CTNNA2: variants seen among roughly 807,000 people sequenced by gnomAD.
CTNNA2 encodes catenin alpha-2.
A neutral mutation model predicts 101.0 loss-of-function variants in CTNNA2; 42 were observed. The observed-to-expected ratio is 0.42, with a 90% CI of 0.32 to 0.54. CTNNA2 has a LOEUF of 0.54. Ranked by LOEUF, CTNNA2 falls within the 20% of genes least tolerant of loss-of-function variation. The probability of loss-of-function intolerance (pLI) is 0.14; values close to 1 mark genes in which losing one functional copy is unlikely to be tolerated. For synonymous variants in CTNNA2, 450 were observed against 456.4 expected, an observed-to-expected ratio of 0.99 and a Z score of 0.18; for missense variants, 871 against 1,223.1, an observed-to-expected ratio of 0.71 and a Z score of 4.29.
At chr2:79,982,361 T>C (rs1346416993) in intron 7 of CTNNA2, among the ~76,000 whole-genome samples, 2 of 134,946 alleles carry the variant, frequency 1.5e-5, no homozygotes, top group African/African-American at 6.4e-5. Context: ...ATATAACCTA[T>C]ATAACATATA....
chr2:79,294,637 A>G lies in CTNNA2; in HGVS notation c.-405-18072A>G, dbSNP rs535886733. Among the ~76,000 whole-genome samples, 4 of 152,292 alleles carry G rather than the reference A, an allele frequency of 2.6e-5. No individual in the cohort carries two copies. The East Asian group carries it at 5.8e-4, about 22-fold the overall frequency. On this transcript the variant is annotated intron_variant, in intron 2 of 21. Transcript: ENST00000466387. ...TTAAAATATAAGTGGTGTCTATTTT[A>G]TAGATTATCAGAAGGAATAAACTCA...
chr2:79,419,207 A>G (rs1202718059), intron 4 of CTNNA2, among the ~76,000 whole-genome samples: 1 of 152,068 alleles, frequency 6.6e-6, no homozygotes, highest in African/African-American at 2.4e-5. Context: ...TATTTTATCC[A>G]TCACAGACTC....
chr2:79,365,044 G>A (rs190562925), intron 3 of CTNNA2, among the ~76,000 whole-genome samples: 6 of 152,194 alleles, frequency 3.9e-5, no homozygotes, highest in South Asian at 2.1e-4. Flanking sequence ...GGGAGGTGAG[G>A]TGGGTGGATC....
At chr2:79,829,421 A>ACACACACACACACACACAC (rs1558559860) in intron 3 of CTNNA2, among the ~76,000 whole-genome samples, 4 of 142,478 alleles carry the variant, frequency 2.8e-5, no homozygotes, top group African/African-American at 1.1e-4. Flanking sequence ...ACACAGACAC[A>ACACACACACACACACACAC]AAGCCGGGCG....
At chr2:79,288,427 C>G (rs1457901687) in intron 2 of CTNNA2, among the ~76,000 whole-genome samples, 1 of 152,218 alleles carries the variant, frequency 6.6e-6, no homozygotes, top group Non-Finnish European at 1.5e-5. Flanking sequence ...GCTTGGTAAT[C>G]TTCGCTTGGA....
intron 1 of CTNNA2, among the ~76,000 whole-genome samples, chr2:79,565,182 C>T (rs867665372): frequency 1.3e-5 from 2 of 150,540 alleles, no homozygotes; most frequent in African/African-American, 4.9e-5. Context: ...GGTTGTCACA[C>T]GATCATGAAA....
At chr2:79,278,980 G>A (rs1257656795) in intron 2 of CTNNA2, among the ~76,000 whole-genome samples, 2 of 152,082 alleles carry the variant, frequency 1.3e-5, no homozygotes, top group African/African-American at 4.8e-5. Flanking sequence ...GTCAACCTGA[G>A]GTGAGACAAT....
chr2:79,255,865 GT>G (rs1674838138), intron 2 of CTNNA2, among the ~76,000 whole-genome samples: 1 of 152,074 alleles, frequency 6.6e-6, no homozygotes, highest in Non-Finnish European at 1.5e-5. Flanking sequence ...TCTACTAAGG[GT>G]TTGGGACCTA....
At chr2:79,884,751 C>CTTTTTTTTTTTTTTT (rs375184305) in intron 6 of CTNNA2, among the ~76,000 whole-genome samples, 1 of 138,406 alleles carries the variant, frequency 7.2e-6, no homozygotes, top group Non-Finnish European at 1.5e-5. Context: ...TTTAAATATG[C>CTTTTTTTTTTTTTTT]TTTTTTTTTT....
intron 7 of CTNNA2, among the ~76,000 whole-genome samples, chr2:79,976,632 T>C (rs182000359): frequency 6.6e-6 from 1 of 152,316 alleles, no homozygotes; most frequent in Admixed American, 6.5e-5. Flanking sequence ...GCATTACGAT[T>C]ACATTTTAAC....
chr2:79,460,949 C>A (rs1256862656), intron 4 of CTNNA2, among the ~76,000 whole-genome samples: 1 of 142,970 alleles, frequency 7.0e-6, no homozygotes, highest in Non-Finnish European at 1.6e-5. Context: ...TCAAGCAATT[C>A]TCCTGTCTCA....
At chr2:79,479,387 A>G (rs1671084391) in intron 4 of CTNNA2, among the ~76,000 whole-genome samples, 2 of 152,190 alleles carry the variant, frequency 1.3e-5, no homozygotes, top group Admixed American at 1.3e-4. Context: ...GTTTTAAAGT[A>G]TATTTTCACC....
At chr2:80,586,940 T>G (rs1443804877) in intron 14 of CTNNA2, among the ~76,000 whole-genome samples, 2 of 152,166 alleles carry the variant, frequency 1.3e-5, no homozygotes, top group Non-Finnish European at 2.9e-5. Flanking sequence ...GCAACTCATG[T>G]CTATGGCATC....
At chr2:80,203,252 C>T (rs574940573) in intron 7 of CTNNA2, among the ~76,000 whole-genome samples, 1 of 152,302 alleles carries the variant, frequency 6.6e-6, no homozygotes, top group Non-Finnish European at 1.5e-5. Flanking sequence ...CTATGCCTTC[C>T]CAACAGCCCT....
chr2:80,624,985 A>G (rs955591662), intron 18 of CTNNA2, among the ~76,000 whole-genome samples: 2 of 151,948 alleles, frequency 1.3e-5, no homozygotes, highest in African/African-American at 4.8e-5. Context: ...GTGGTTCTAA[A>G]AAGATGTTCC....
chr2:79,512,807 G>T (rs1255795392), upstream of CTNNA2, among the ~76,000 whole-genome samples: 1 of 150,988 alleles, frequency 6.6e-6, no homozygotes, highest in Non-Finnish European at 1.5e-5. Flanking sequence ...CCCAGGCCGC[G>T]CGCGCCCGCG....
chr2:79,390,149 T>G (rs1482479009), intron 4 of CTNNA2, among the ~76,000 whole-genome samples: 1 of 152,072 alleles, frequency 6.6e-6, no homozygotes, highest in Non-Finnish European at 1.5e-5. Flanking sequence ...GAATAAAAGG[T>G]GTGTATTTGG....
At chr2:79,912,131 A>C (rs182376119) in intron 7 of CTNNA2, among the ~76,000 whole-genome samples, 19 of 152,362 alleles carry the variant, frequency 1.2e-4, no homozygotes, top group African/African-American at 4.3e-4. Context: ...CAGTACCATT[A>C]GGATAAACAA....
At chr2:79,478,360 T>G (rs1388114304) in intron 4 of CTNNA2, among the ~76,000 whole-genome samples, 1 of 152,228 alleles carries the variant, frequency 6.6e-6, no homozygotes, top group African/African-American at 2.4e-5. Flanking sequence ...ATGGAATTTC[T>G]TAAGTGTGTC....
Sources: allele counts gnomAD v4.1 joint callset (sites outside exome capture counted in the v4.1 genomes callset), GRCh38; gene constraint gnomAD v4.1.1; transcripts MANE v1.5; gene names NCBI Gene and HGNC (gene_info 2026-07-23, HGNC 2026-07-21).